The following RALGAPB variants were observed in gnomAD, a reference collection of about 807,000 sequenced individuals.
The protein encoded by RALGAPB is Ral GTPase activating protein non-catalytic subunit beta.
RALGAPB carries 25 observed loss-of-function variants against 161.1 expected under a neutral mutation model. The observed-to-expected ratio is 0.16, with a 90% confidence interval of 0.11 to 0.22. RALGAPB has a LOEUF of 0.22. Among genes scored for constraint, RALGAPB ranks in the 10% least tolerant of loss-of-function variants. The pLI is 1.00. For synonymous variants in RALGAPB, 629 were observed against 626.1 expected (o/e 1.00, Z -0.07); for missense variants, 1,391 against 1,815.2 (o/e 0.77, Z 4.25).
chr20:38,549,563 T>TACAC (rs1227027300), intron 20 of RALGAPB, among the ~76,000 whole-genome samples: 11 of 115,310 alleles, frequency 9.5e-5, no homozygotes, highest in African/African-American at 2.7e-4. Context: ...TATATATATA[T>TACAC]ACACACACAC....
rs373897825 is a variant in RALGAPB, at chr20:38,516,352, C to T, written c.1033C>T (p.Leu345=). Residue 345 remains leucine, a synonymous_variant, in exon 7 of 30, where the codon CTG becomes TTG. Coordinates refer to ENST00000262879, the MANE Select transcript of RALGAPB (RefSeq NM_020336.4). ...FFRAMRGISC[L]VDAFLGISRP... ...TCGTGCCATGCGTGGAATCAGCTGT[C>T]TGGTGGATGCATTCTTAGGTGAATT... 6.2e-7 allele frequency: 1 copy of T among 1,613,648 alleles called. No homozygotes were observed. Among genetic ancestry groups the T allele is most frequent in the Non-Finnish European group, 8.5e-7 (1 of 1,179,814 alleles).
intron 1 of RALGAPB, among the ~76,000 whole-genome samples, chr20:38,480,928 G>A (rs1036854861): frequency 2.6e-5 from 4 of 151,494 alleles, no homozygotes; most frequent in Admixed American, 6.6e-5. Flanking sequence ...TTTTAGTAGA[G>A]ACGGGGTTTC....
intron 2 of RALGAPB, 34 bp downstream of exon 2, chr20:38,488,652 A>C (rs1232197629): frequency 6.4e-7 from 1 of 1,566,430 alleles, no homozygotes. Context: ...TCTTATATGA[A>C]AATGTACATT....
At chr20:38,538,245 T>C (rs1449536863) in intron 16 of RALGAPB, 1 of 165,710 alleles carries the variant, frequency 6.0e-6, no homozygotes, top group Non-Finnish European at 1.4e-5. Context: ...CCTTGTTAAC[T>C]ACTGCATTGA....
intron 18 of RALGAPB, 147 bp from the exon 19 acceptor site, chr20:38,546,096 T>C (rs572118768): frequency 3.5e-5 from 49 of 1,393,686 alleles, no homozygotes; most frequent in South Asian, 2.3e-4. Context: ...TGCCATGGCA[T>C]TCACCACAAG....
intron 5 of RALGAPB, among the ~76,000 whole-genome samples, chr20:38,502,405 A>T (rs1369560244): frequency 6.6e-6 from 1 of 152,250 alleles, no homozygotes. Context: ...CCCAAGAAGC[A>T]GAGAAAACTC....
chr20:38,544,578 C>T (rs1442019058), intron 18 of RALGAPB, among the ~76,000 whole-genome samples: 1 of 152,184 alleles, frequency 6.6e-6, no homozygotes, highest in Non-Finnish European at 1.5e-5. Context: ...AGCAATTCTC[C>T]TCCCTCAGCT....
intron 5 of RALGAPB, among the ~76,000 whole-genome samples, chr20:38,506,289 T>C (rs560235337): frequency 6.6e-6 from 1 of 152,166 alleles, no homozygotes; most frequent in East Asian, 1.9e-4. Context: ...AGGTTCCTGC[T>C]TTTTTCTTTC....
intron 17 of RALGAPB, among the ~76,000 whole-genome samples, chr20:38,540,622 G>A (rs936021626): frequency 6.6e-6 from 1 of 152,104 alleles, no homozygotes; most frequent in African/African-American, 2.4e-5. Flanking sequence ...TCAATGACAA[G>A]ATTTCCTTTG....
chr20:38,559,929 A>G (rs887830365), intron 23 of RALGAPB, among the ~76,000 whole-genome samples: 2 of 152,196 alleles, frequency 1.3e-5, no homozygotes, highest in African/African-American at 4.8e-5. Context: ...TCGTATTCAG[A>G]TGTGTAGGGC....
chr20:38,477,503 T>C (rs1403407554), intron 1 of RALGAPB, among the ~76,000 whole-genome samples: 3 of 152,200 alleles, frequency 2.0e-5, no homozygotes, highest in African/African-American at 7.2e-5. Context: ...ATCTGGTACA[T>C]AGGTGAATAC....
rs2087352205 is a variant in RALGAPB, at chr20:38,550,920, C to G, written c.3010-151C>G. On this transcript the variant is annotated intron_variant, in intron 20 of 29. Coordinates refer to ENST00000262879, the MANE Select transcript of RALGAPB (RefSeq NM_020336.4). ...CAGGGGCACAGGCTGCTTCCCTTTG[C>G]TGTTATCTGTAGCATTTGCAGGTTC... 4 of 828,900 alleles carry G rather than the reference C, an allele frequency of 4.8e-6. No homozygotes were observed. The African/African-American group carries it at 5.2e-5, about 11-fold the overall frequency. 51.3% of individuals were successfully genotyped at this position (828,900 alleles called of 1,614,324 possible).
chr20:38,475,558 A>G (rs1185515018), intron 1 of RALGAPB, among the ~76,000 whole-genome samples: 7 of 152,172 alleles, frequency 4.6e-5, no homozygotes, highest in Admixed American at 1.3e-4. Flanking sequence ...TTGTATAGCA[A>G]TTAAACATGA....
At chr20:38,554,333 C>T (rs1186428896) in intron 22 of RALGAPB, among the ~76,000 whole-genome samples, 1 of 152,046 alleles carries the variant, frequency 6.6e-6, no homozygotes, top group African/African-American at 2.4e-5. Flanking sequence ...CTGAATTTTC[C>T]TAGATAACAC....
chr20:38,567,315 C>T, intron 26 of RALGAPB, 83 bp downstream of exon 26: 4 of 1,523,746 alleles, frequency 2.6e-6, no homozygotes, highest in South Asian at 2.6e-5. Context: ...AGCTTTTAAC[C>T]CAGAGAGTAT....
At chr20:38,545,642 T>A (rs908462712) in intron 18 of RALGAPB, among the ~76,000 whole-genome samples, 1 of 152,222 alleles carries the variant, frequency 6.6e-6, no homozygotes, top group Non-Finnish European at 1.5e-5. Context: ...ATTATTTTTC[T>A]TCCATTTCCT....
chr20:38,528,057 T>G (rs1448524605), intron 13 of RALGAPB, among the ~76,000 whole-genome samples: 1 of 152,244 alleles, frequency 6.6e-6, no homozygotes, highest in Non-Finnish European at 1.5e-5. Context: ...TGTGTGGCTT[T>G]AATCATTCTT....
intron 6 of RALGAPB, among the ~76,000 whole-genome samples, chr20:38,512,149 A>G (rs758725953): frequency 2.6e-5 from 4 of 152,162 alleles, no homozygotes; most frequent in Non-Finnish European, 5.9e-5. Flanking sequence ...CTTTTCTGCT[A>G]TTCTGTCTTC....
intron 13 of RALGAPB, among the ~76,000 whole-genome samples, chr20:38,529,797 C>T (rs1353884766): frequency 3.3e-5 from 5 of 152,054 alleles, no homozygotes; most frequent in Non-Finnish European, 7.4e-5. Flanking sequence ...GCCAAGATCA[C>T]GCTACTGGAC....
Sources: gnomAD v4.1 joint callset for allele counts (sites outside exome capture counted in the v4.1 genomes callset) on GRCh38, gnomAD v4.1.1 for gene constraint, MANE v1.5 for transcripts, NCBI Gene and HGNC (gene_info 2026-07-23, HGNC 2026-07-21) for gene names.